Variants in DNAH8 observed in about 807,000 individuals in gnomAD.
The protein encoded by DNAH8 is dynein axonemal heavy chain 8, also known as axonemal beta dynein heavy chain 8.
In DNAH8, 382 loss-of-function variants were observed where a neutral mutation model predicts 562.1. The ratio of observed to expected loss-of-function variants is 0.68; its 90% CI spans 0.63 to 0.74. DNAH8 has a LOEUF of 0.74. Ranked by LOEUF, DNAH8 falls within the 30% of genes least tolerant of loss-of-function variation. The pLI is 0.00. For synonymous variants in DNAH8, 1,881 were observed against 1,919.4 expected (o/e 0.98, Z 0.52); for missense variants, 5,203 against 5,620.4 (o/e 0.93, Z 2.37).
chr6:38,737,245 C>A lies in DNAH8; in HGVS notation c.941C>A (p.Ser314Ter). The A allele has an allele frequency of 7.0e-7, 1 of 1,435,426 alleles. No individual in the cohort carries two copies. The highest frequency in any genetic ancestry group is 9.2e-7 in the Non-Finnish European group (1 of 1,086,538). The allele number at this position is 1,435,426 out of a possible 1,614,324, so 88.9% of individuals were successfully genotyped here. The change falls in exon 6 of 93, where the codon TCA becomes TAA. Residue 314 changes from serine to a stop codon, truncating the protein, a stop_gained. Transcript: ENST00000327475. LOFTEE classifies it high-confidence loss of function. ...ACTGAAACCATCAACAGATATCTTTCATTTTTAGATGGTAAGTATAAAATT... is the reference window on the plus strand; with the variant it reads ...ACTGAAACCATCAACAGATATCTTTAATTTTTAGATGGTAAGTATAAAATT... ...IFTETINRYL[S>*]FLDGARISIE... is the part of the protein sequence containing the mutation.
At chr6:38,849,787 G>A (rs377294533) in intron 37 of DNAH8, among the ~76,000 whole-genome samples, 20 of 152,160 alleles carry the variant, frequency 1.3e-4, no homozygotes, top group African/African-American at 4.6e-4. Flanking sequence ...AAATGTAAAT[G>A]AAACTTTGTT....
rs1782582738 is a variant in DNAH8, at chr6:38,931,975, C to G, written c.11439C>G (p.Val3813=). 1.9e-6 allele frequency: 3 copies of G among 1,596,402 alleles called. No homozygotes were observed. The highest frequency in any genetic ancestry group is 2.6e-6 in the Non-Finnish European group (3 of 1,172,714). Residue 3813 remains valine (V), a synonymous_variant, in exon 76 of 93, where the codon GTC becomes GTG. Transcript: ENST00000327475. ...KGLENQLLRR[V]ILTEKQELEA... ...TTGAGAATCAGTTACTAAGGAGAGTCATTCTAACAGAGAAACAGGTAATCT... is the reference window on the plus strand; with the variant it reads ...TTGAGAATCAGTTACTAAGGAGAGTGATTCTAACAGAGAAACAGGTAATCT...
intron 36 of DNAH8, 108 bp from the exon 37 acceptor site, chr6:38,848,540 A>G: frequency 1.1e-6 from 1 of 915,414 alleles, no homozygotes; most frequent in East Asian, 2.6e-5. Flanking sequence ...CTTTAAGGAC[A>G]AAACATTCAT....
At chr6:38,770,198 A>G (rs1767423151) in intron 11 of DNAH8, among the ~76,000 whole-genome samples, 1 of 152,136 alleles carries the variant, frequency 6.6e-6, no homozygotes, top group East Asian at 1.9e-4. Context: ...CAAATAGTAT[A>G]TGGTATGCTT....
At chr6:38,914,008 A>C (rs1053836199) in intron 67 of DNAH8, 56 bp downstream of exon 67, 17 of 1,338,474 alleles carry the variant, frequency 1.3e-5, no homozygotes, top group Non-Finnish European at 1.8e-5. Flanking sequence ...ATTAAAATGC[A>C]TTGTTTTAAA....
chr6:38,782,963 C>G, intron 16 of DNAH8, 41 bp from the exon 17 acceptor site: 4 of 1,552,290 alleles, frequency 2.6e-6, no homozygotes, highest in Non-Finnish European at 3.5e-6. Context: ...TAAAAACATT[C>G]AGCAGTCTTT....
chr6:38,767,671 G>T (rs1767149870), intron 11 of DNAH8, among the ~76,000 whole-genome samples: 1 of 152,048 alleles, frequency 6.6e-6, no homozygotes, highest in Non-Finnish European at 1.5e-5. Flanking sequence ...TGTATGTATA[G>T]TCCATATATT....
rs770854381 is a variant in DNAH8 at position 38,905,891 on chromosome 6, T to TTTG, written c.9195-351_9195-349dup. ...GGGATAAATTATGACTATGGTTTTTTTTGTTGTTGTTGTTTGTTTGTTTAT... is the reference window on the plus strand; with the variant it reads ...GGGATAAATTATGACTATGGTTTTTTTTGTTGTTGTTGTTGTTTGTTTGTTTAT... On this transcript the variant is annotated intron_variant, in intron 62 of 92. Coordinates refer to ENST00000327475, the MANE Select transcript of DNAH8 (RefSeq NM_001206927.2). 1.6e-4 allele frequency among the ~76,000 whole-genome samples: 25 copies of TTTG among 152,178 alleles called. No individual in the cohort carries two copies. The South Asian group carries it at 5.2e-3, about 32-fold the overall frequency.
chr6:38,832,340 C>G lies in DNAH8; in HGVS notation c.4207C>G (p.Leu1403Val). 6.2e-7 allele frequency: 1 copy of G among 1,612,136 alleles called. No individual in the cohort carries two copies. Among genetic ancestry groups the G allele is most frequent in the Non-Finnish European group, 8.5e-7 (1 of 1,178,384 alleles). Residue 1403 changes from leucine to valine, a missense_variant, in exon 31 of 93, where the codon CTA (leucine) becomes GTA (valine). Leu to Val is a conservative substitution (Grantham distance 32, BLOSUM62 1). Coordinates refer to ENST00000327475, the MANE Select transcript of DNAH8 (RefSeq NM_001206927.2). ...QSKAVSVQEDLVQVQPKFKSN... is the reference protein window; with the variant it reads ...QSKAVSVQEDVVQVQPKFKSN... The stretch of plus-strand genomic sequence containing the variant: ...ATTGTAGGTTTCAGTACAAGAGGAC[C>G]TAGTTCAAGTGCAGCCAAAGTTTAA...
At chr6:38,820,646 T>A (rs1488721524) in intron 26 of DNAH8, among the ~76,000 whole-genome samples, 1 of 152,124 alleles carries the variant, frequency 6.6e-6, no homozygotes, top group Admixed American at 6.6e-5. Context: ...GCAAACTGAA[T>A]CCAGCAGTGT....
intron 25 of DNAH8, 73 bp from the exon 26 acceptor site, chr6:38,815,395 A>T (rs1772156627): frequency 8.5e-7 from 1 of 1,180,736 alleles, no homozygotes; most frequent in Non-Finnish European, 1.2e-6. Context: ...TCAGTGGGGA[A>T]TGGAGGTGGT....
At chr6:38,983,481 T>TTTA (rs1391829602) in intron 86 of DNAH8, among the ~76,000 whole-genome samples, 2 of 152,226 alleles carry the variant, frequency 1.3e-5, no homozygotes, top group Non-Finnish European at 2.9e-5. Context: ...TCTGTGGTCA[T>TTTA]TTATCATTTT....
At chr6:38,974,656 C>T in intron 85 of DNAH8, 127 bp downstream of exon 85, 1 of 715,320 alleles carries the variant, frequency 1.4e-6, no homozygotes, top group Non-Finnish European at 2.3e-6. Context: ...TCCTTCATAG[C>T]ACTTTCCCCA....
At chr6:38,734,328 C>CCA in intron 4 of DNAH8, 146 bp from the exon 5 acceptor site, 1 of 597,540 alleles carries the variant, frequency 1.7e-6, no homozygotes, top group South Asian at 2.2e-5. Context: ...TCTAGTAGAC[C>CCA]CCCCCCCAAA....
At chr6:38,828,120 C>A in intron 29 of DNAH8, 64 bp from the exon 30 acceptor site, 4 of 978,880 alleles carry the variant, frequency 4.1e-6, no homozygotes, top group Non-Finnish European at 3.1e-6. Flanking sequence ...TTCTAGAAGG[C>A]GTCTAAATCA....
Position 38,973,828 on chromosome 6 carries a change from G to A in DNAH8, c.12678+15G>A, listed in dbSNP as rs775389011. 11 of 1,581,814 alleles carry A rather than the reference G, an allele frequency of 7.0e-6. No individual in the cohort carries two copies. Among genetic ancestry groups the A allele is most frequent in the African/African-American group, 6.8e-5 (5 of 73,092 alleles). On this transcript the variant is annotated intron_variant, in intron 84 of 92. Transcript: ENST00000327475. ...CATTGCTTCAGGTTTGTTACTAAAC[G>A]TCTTTTCATCGAGAGTCATAGTAAT... is the stretch of plus-strand genomic sequence containing the variant.
At chr6:38,895,951 G>C in intron 59 of DNAH8, 82 bp from the exon 60 acceptor site, 1 of 1,188,482 alleles carries the variant, frequency 8.4e-7, no homozygotes. Flanking sequence ...CCAGGGTGGG[G>C]CTGAGAAGAG....
chr6:38,867,650 GGCTGAGGCAGGAGAATT>G (rs1361764014), intron 47 of DNAH8, among the ~76,000 whole-genome samples: 5 of 151,320 alleles, frequency 3.3e-5, no homozygotes, highest in African/African-American at 1.2e-4. Context: ...CTACTGGGGA[GGCTGAGGCAGGAGAATT>G]GCTTGAACCC....
At chr6:39,029,226 C>G (rs2150805912) in intron 92 of DNAH8, among the ~76,000 whole-genome samples, 1 of 152,226 alleles carries the variant, frequency 6.6e-6, no homozygotes, top group Non-Finnish European at 1.5e-5. Flanking sequence ...TCCGGCTCGC[C>G]CTGCCTTTCT....
Sources: gnomAD v4.1 joint callset for allele counts (sites outside exome capture counted in the v4.1 genomes callset) on GRCh38, gnomAD v4.1.1 for gene constraint, MANE v1.5 for transcripts, NCBI Gene and HGNC (gene_info 2026-07-23, HGNC 2026-07-21) for gene names.